The following DGKI variants were observed in gnomAD, a reference collection of about 807,000 sequenced individuals.
The protein encoded by DGKI is diacylglycerol kinase iota.
DGKI carries 55 observed loss-of-function variants against 147.5 expected under a neutral mutation model. The observed-to-expected ratio is 0.37, with a 90% confidence interval of 0.30 to 0.47. The LOEUF is 0.47. Ranked by LOEUF, DGKI falls within the 20% of genes least tolerant of loss-of-function variation. The probability of loss-of-function intolerance (pLI) is 1.00; values close to 1 mark genes in which losing one functional copy is unlikely to be tolerated. For missense variants in DGKI, 1,007 were observed against 1,323.8 expected (o/e 0.76, Z 3.71); for synonymous variants, 469 against 477.1 (o/e 0.98, Z 0.22).
intron 29 of DGKI, among the ~76,000 whole-genome samples, chr7:137,410,199 A>T (rs774756084): frequency 1.3e-5 from 2 of 152,118 alleles, no homozygotes; most frequent in African/African-American, 2.4e-5. Flanking sequence ...AGGTCAGGAG[A>T]TCGAGATCAT....
intron 18 of DGKI, 35 bp downstream of exon 18, chr7:137,572,730 C>A (rs773589731): frequency 1.4e-6 from 2 of 1,458,658 alleles, no homozygotes; most frequent in South Asian, 2.5e-5. Context: ...TCAGAGTTCA[C>A]GTCAAACCAA....
chr7:137,783,077 A>C (rs946171251), intron 1 of DGKI, among the ~76,000 whole-genome samples: 1 of 152,216 alleles, frequency 6.6e-6, no homozygotes, highest in African/African-American at 2.4e-5. Flanking sequence ...AAGATTATTA[A>C]CACCCTGAAA....
chr7:137,629,498 C>T (rs1346585376), intron 6 of DGKI, among the ~76,000 whole-genome samples: 1 of 152,156 alleles, frequency 6.6e-6, no homozygotes, highest in Non-Finnish European at 1.5e-5. Flanking sequence ...CCGAAGTTGA[C>T]AAACAACTGT....
intron 23 of DGKI, among the ~76,000 whole-genome samples, chr7:137,471,868 T>C (rs1392605193): frequency 2.0e-5 from 3 of 146,982 alleles, no homozygotes; most frequent in Non-Finnish European, 4.5e-5. Context: ...TACTATATAA[T>C]ATATACAGAA....
intron 6 of DGKI, among the ~76,000 whole-genome samples, chr7:137,638,653 T>TAC (rs369995549): frequency 0.89 from 41,126 of 46,232 alleles, 18,713 homozygotes; most frequent in East Asian, 0.99. Context: ...TGTATGTATA[T>TAC]ACACACATAT....
chr7:137,736,471 C>T (rs184489299), intron 1 of DGKI, among the ~76,000 whole-genome samples: 13 of 152,072 alleles, frequency 8.5e-5, no homozygotes, highest in Admixed American at 6.5e-5. Flanking sequence ...AATAGCAGAC[C>T]TTACCTCTTC....
chr7:137,630,000 T>C (rs1821073128), intron 6 of DGKI, among the ~76,000 whole-genome samples: 1 of 152,198 alleles, frequency 6.6e-6, no homozygotes, highest in Admixed American at 6.5e-5. Flanking sequence ...TTAAAATTGT[T>C]ATAAATATTC....
At chr7:137,675,928 T>A (rs955401820) in intron 3 of DGKI, among the ~76,000 whole-genome samples, 1 of 152,198 alleles carries the variant, frequency 6.6e-6, no homozygotes, top group Non-Finnish European at 1.5e-5. Context: ...AAGACATCTC[T>A]CTGCCTTCGC....
Position 137,693,262 on chromosome 7 carries a change from G to A in DGKI, c.402-3260C>T, listed in dbSNP as rs1823672276. Among the ~76,000 whole-genome samples, 3 of 151,928 alleles carry A rather than the reference G, an allele frequency of 2.0e-5. No individual in the cohort carries two copies. The South Asian group carries it at 6.3e-4, about 32-fold the overall frequency. ...CTCCTATTAAAAAAAAATCAATGGG[G>A]TTTCAACTTGTTCTTTCCTTCTGCT... On this transcript the variant is annotated intron_variant, in intron 1 of 32. Coordinates refer to ENST00000614521, the MANE Select transcript of DGKI (RefSeq NM_001321708.2).
intron 1 of DGKI, among the ~76,000 whole-genome samples, chr7:137,730,915 T>C (rs1794861220): frequency 6.6e-6 from 1 of 152,090 alleles, no homozygotes; most frequent in Admixed American, 6.6e-5. Context: ...TGGAGGATAA[T>C]ACAGCCTAAG....
chr7:137,637,812 C>A (rs979362358), intron 6 of DGKI, among the ~76,000 whole-genome samples: 1 of 152,104 alleles, frequency 6.6e-6, no homozygotes, highest in Non-Finnish European at 1.5e-5. Context: ...AATTTTATAT[C>A]ATTTCTTTTT....
At chr7:137,681,616 T>C (rs2116409540) in intron 2 of DGKI, among the ~76,000 whole-genome samples, 1 of 152,344 alleles carries the variant, frequency 6.6e-6, no homozygotes, top group Admixed American at 6.5e-5. Flanking sequence ...TGTTAATCAA[T>C]GGAGAAAAAT....
chr7:137,748,861 T>C (rs10245869), intron 1 of DGKI, among the ~76,000 whole-genome samples: 2,797 of 152,292 alleles, frequency 0.018, 85 homozygotes, highest in African/African-American at 0.063. Context: ...AAAGAATTTA[T>C]AACTGGGATT....
At chr7:137,612,670 C>G (rs866204067) in intron 8 of DGKI, among the ~76,000 whole-genome samples, 1 of 152,050 alleles carries the variant, frequency 6.6e-6, no homozygotes, top group African/African-American at 2.4e-5. Flanking sequence ...CAAAAGAGCA[C>G]GCTTTTCGAG....
chr7:137,790,858 A>T (rs1295896191), intron 1 of DGKI, among the ~76,000 whole-genome samples: 1 of 152,204 alleles, frequency 6.6e-6, no homozygotes. Context: ...ACAGAATAAG[A>T]ATTCAATTAA....
At chr7:137,839,111 C>A (rs1362969741) in intron 1 of DGKI, among the ~76,000 whole-genome samples, 3 of 152,196 alleles carry the variant, frequency 2.0e-5, no homozygotes, top group Non-Finnish European at 4.4e-5. Flanking sequence ...AGATGACCAG[C>A]TGGGAGTTTG....
chr7:137,532,014 A>C (rs1817355169), intron 20 of DGKI, among the ~76,000 whole-genome samples: 1 of 120,748 alleles, frequency 8.3e-6, no homozygotes, highest in Non-Finnish European at 1.7e-5. Context: ...TATTGAACAC[A>C]TTTCATCTAC....
intron 1 of DGKI, among the ~76,000 whole-genome samples, chr7:137,724,595 A>T (rs1391485513): frequency 6.6e-6 from 1 of 152,188 alleles, no homozygotes; most frequent in Non-Finnish European, 1.5e-5. Flanking sequence ...GTTGGTAAAA[A>T]AGAAAAGCCA....
chr7:137,551,194 T>C (rs950453984), intron 20 of DGKI, among the ~76,000 whole-genome samples: 2 of 151,918 alleles, frequency 1.3e-5, no homozygotes, highest in African/African-American at 4.8e-5. Context: ...ACAGACAGGA[T>C]TTTTTACCCC....
Sources: allele counts gnomAD v4.1 joint callset (sites outside exome capture counted in the v4.1 genomes callset), GRCh38; gene constraint gnomAD v4.1.1; transcripts MANE v1.5; gene names NCBI Gene and HGNC (gene_info 2026-07-23, HGNC 2026-07-21).